UPF3A: variants seen among roughly 807,000 people sequenced by gnomAD.
The protein encoded by UPF3A is UPF3A regulator of nonsense mediated mRNA decay.
In UPF3A, 42 loss-of-function variants were observed where a neutral mutation model predicts 53.5. That is an observed-to-expected ratio of 0.78 (90% CI 0.61 to 1.01). UPF3A has a LOEUF of 1.01. UPF3A is among the 50% of genes least tolerant of loss of function. UPF3A has a pLI of 0.00. For missense variants in UPF3A, 575 were observed against 598.0 expected, an observed-to-expected ratio of 0.96 and a Z score of 0.40; for synonymous variants, 237 against 225.3, an observed-to-expected ratio of 1.05 and a Z score of -0.47.
intron 7 of UPF3A, among the ~76,000 whole-genome samples, chr13:114,295,395 G>A (rs12872680): frequency 0.066 from 6,963 of 105,800 alleles, 225 homozygotes; most frequent in Non-Finnish European, 0.099. Flanking sequence ...CGTCTCCAGC[G>A]GCTCTGGCGT....
At chr13:114,295,404 G>GTCTCCAGCGGCTCTGGCC (rs2085839407) in intron 7 of UPF3A, among the ~76,000 whole-genome samples, 1 of 72,354 alleles carries the variant, frequency 1.4e-5, no homozygotes, top group African/African-American at 4.9e-5. Context: ...CGGCTCTGGC[G>GTCTCCAGCGGCTCTGGCC]TGCTCCCCAG....
At position 114,281,907 on chromosome 13, in the gene UPF3A, G is replaced by GGGGAGGGAGGGA. The variant is rs1375001883; in HGVS notation, c.207+72_207+73insAGGGAGGGAGGG. ...GAGAGGACGGCCCTGAGTGGAGGGA[G>GGGGAGGGAGGGA]GGGAGGGAGGGGAGGGAGGGGCGGG... On this transcript the variant is annotated intron_variant, in intron 1 of 9. Transcript: ENST00000375299. 3.9e-6 allele frequency: 4 copies of GGGGAGGGAGGGA among 1,035,176 alleles called. No individual in the cohort carries two copies. In the African/African-American group the frequency reaches 8.0e-5, roughly 21 times the overall value. The allele number at this position is 1,035,176 out of a possible 1,614,324, so 64.1% of individuals were successfully genotyped here.
At chr13:114,286,131 G>T in intron 3 of UPF3A, 171 bp from the exon 4 acceptor site, 1 of 870,956 alleles carries the variant, frequency 1.1e-6, no homozygotes, top group Non-Finnish European at 1.7e-6. Context: ...TAAAATTGTA[G>T]GTTTTTTAAT....
intron 5 of UPF3A, among the ~76,000 whole-genome samples, chr13:114,288,798 C>T (rs2084988537): frequency 6.6e-6 from 1 of 151,918 alleles, no homozygotes; most frequent in South Asian, 2.1e-4. Context: ...GATTGTGGCA[C>T]CATTATACAC....
intron 7 of UPF3A, among the ~76,000 whole-genome samples, chr13:114,296,642 C>G (rs1365665855): frequency 6.6e-6 from 1 of 152,124 alleles, no homozygotes; most frequent in Non-Finnish European, 1.5e-5. Flanking sequence ...GAATTTATTG[C>G]TGACTGGTCA....
chr13:114,298,069 G>A (rs2086225482), intron 7 of UPF3A, among the ~76,000 whole-genome samples: 1 of 151,688 alleles, frequency 6.6e-6, no homozygotes, highest in Non-Finnish European at 1.5e-5. Flanking sequence ...TGGTGTGTGT[G>A]TGAACATAAA....
At chr13:114,282,554 GC>G (rs1387391030) in intron 2 of UPF3A, 1 of 985,466 alleles carries the variant, frequency 1.0e-6, no homozygotes, top group Non-Finnish European at 1.2e-6. Context: ...GTCTCTCGGC[GC>G]CACGGGTTCC....
In UPF3A at chr13:114,305,037, A is replaced by G. The variant is rs1398915767; in HGVS notation, c.*120A>G. ...TACCAGGAAACTGGAAGCTAAAAAT[A>G]CAGAGGGTGACGTAGAAACACGCAG... On this transcript the variant is annotated 3_prime_UTR_variant, in exon 10 of 10. Transcript: ENST00000375299. 5.2e-6 allele frequency: 7 copies of G among 1,342,130 alleles called. No homozygotes were observed. The highest frequency in any genetic ancestry group is 7.3e-6 in the Non-Finnish European group (7 of 963,646). The allele number at this position is 1,342,130 out of a possible 1,614,324, so 83.1% of individuals were successfully genotyped here.
intron 9 of UPF3A, among the ~76,000 whole-genome samples, chr13:114,303,731 A>G (rs909684330): frequency 1.3e-5 from 2 of 152,154 alleles, no homozygotes; most frequent in African/African-American, 4.8e-5. Context: ...GGTTGCAGCG[A>G]GCCCAGATTG....
At chr13:114,301,709 G>C (rs1290788525) in intron 8 of UPF3A, 22 bp from the exon 9 acceptor site, 1 of 1,595,200 alleles carries the variant, frequency 6.3e-7, no homozygotes, top group South Asian at 1.1e-5. Flanking sequence ...TGCAGTTGCT[G>C]ATCATTTGTG....
At chr13:114,295,832 T>C (rs137981770) in intron 7 of UPF3A, among the ~76,000 whole-genome samples, 46 of 152,320 alleles carry the variant, frequency 3.0e-4, no homozygotes, top group African/African-American at 9.4e-4. Flanking sequence ...CCCTGGTTCC[T>C]GCACACAGCT....
Position 114,286,581 on chromosome 13 carries a change from C to T in UPF3A, c.583C>T (p.Pro195Ser). 6.2e-7 allele frequency: 1 copy of T among 1,613,950 alleles called. No individual in the cohort carries two copies. The highest frequency in any genetic ancestry group is 1.3e-5 in the African/African-American group (1 of 75,028). ...GGAGGAAGAGAAGACCAGTGCCAAC[C>T]CTGAGACTCTGCTGGGGGAGATGGA... ...CVEEEKTSAN[P>S]ETLLGEMEAK... is the part of the protein sequence containing the mutation. Residue 195 changes from proline (P) to serine (S), a missense_variant, in exon 5 of 10, where the codon CCT becomes TCT. Pro to Ser is a moderately conservative substitution (Grantham distance 74). Transcript: ENST00000375299.
chr13:114,283,798 T>A, intron 3 of UPF3A: 1 of 985,674 alleles, frequency 1.0e-6, no homozygotes, highest in Non-Finnish European at 1.2e-6. Flanking sequence ...CTGTCTGCTG[T>A]TGTGTTCCTG....
intron 7 of UPF3A, among the ~76,000 whole-genome samples, chr13:114,293,469 G>A (rs1033761773): frequency 2.6e-5 from 4 of 152,114 alleles, no homozygotes; most frequent in African/African-American, 9.7e-5. Flanking sequence ...ACTCAGAACC[G>A]GGTTTTATCA....
intron 5 of UPF3A, among the ~76,000 whole-genome samples, chr13:114,290,730 T>C (rs1379628432): frequency 1.3e-5 from 2 of 151,560 alleles, no homozygotes; most frequent in African/African-American, 4.8e-5. Flanking sequence ...CTTTTCTTTT[T>C]TTTCTTTTTT....
chr13:114,281,630 A>C lies in UPF3A; in HGVS notation c.-10A>C. 3 of 1,424,822 alleles carry C rather than the reference A, an allele frequency of 2.1e-6. No homozygotes were observed. Among genetic ancestry groups the C allele is most frequent in the Non-Finnish European group, 1.8e-6 (2 of 1,089,152 alleles). 88.3% of individuals were successfully genotyped at this position (1,424,822 alleles called of 1,614,324 possible). A position where few individuals can be genotyped will look rare whatever the true frequency, so the allele number is the denominator to read the frequency against. The stretch of plus-strand genomic sequence containing the variant: ...GGGGCTGGCGGCTGCGGCTCGGCGG[A>C]GAGTGCGGCATGCGCTCGGAAAAGG... On this transcript the variant is annotated 5_prime_UTR_variant, in exon 1 of 10. Coordinates refer to ENST00000375299, the MANE Select transcript of UPF3A (RefSeq NM_023011.4).
In UPF3A at chr13:114,286,732, G is replaced by A; in HGVS notation, c.631+103G>A. On this transcript the variant is annotated intron_variant, in intron 5 of 9. Coordinates refer to ENST00000375299, the MANE Select transcript of UPF3A (RefSeq NM_023011.4). ...TGACTGTGATAACAAGTTGAAACTTGTTACAGGCTTGACAGAAATGTAGAG... is the reference window on the plus strand; with the variant it reads ...TGACTGTGATAACAAGTTGAAACTTATTACAGGCTTGACAGAAATGTAGAG... 3.3e-6 allele frequency: 3 copies of A among 900,584 alleles called. No individual in the cohort carries two copies. The South Asian group carries it at 5.9e-5, about 18-fold the overall frequency. The allele number at this position is 900,584 out of a possible 1,614,324, so 55.8% of individuals were successfully genotyped here.
In UPF3A at chr13:114,304,848, C is replaced by G. The variant is rs377347111; in HGVS notation, c.1362C>G (p.Gly454=). 2 of 1,613,788 alleles carry G rather than the reference C, an allele frequency of 1.2e-6. No homozygotes were observed. Among genetic ancestry groups the G allele is most frequent in the Non-Finnish European group, 1.7e-6 (2 of 1,179,818 alleles). ...PGARFRAREC[G]GNRRICKAEG... is the part of the protein sequence containing the mutation. ...CTCGCTTCCGAGCGCGAGAGTGTGGCGGAAACAGGAGGATCTGCAAGGCAG... is the reference window on the plus strand; with the variant it reads ...CTCGCTTCCGAGCGCGAGAGTGTGGGGGAAACAGGAGGATCTGCAAGGCAG... Residue 454 remains glycine, a synonymous_variant, in exon 10 of 10, where the codon GGC becomes GGG. Coordinates refer to ENST00000375299, the MANE Select transcript of UPF3A (RefSeq NM_023011.4).
At position 114,301,964 on chromosome 13, in the gene UPF3A, TG is replaced by T. The variant is rs1214647929; in HGVS notation, c.1244del (p.Gly415GlufsTer101). ...SGAPGEAMER[L>X]GRAQRCDDSP... ...GCTCCGGGGGAGGCCATGGAGAGACTGGGAAGAGCGCAGAGGTGTGACGACA... is the reference window on the plus strand; with the variant it reads ...GCTCCGGGGGAGGCCATGGAGAGACTGGAAGAGCGCAGAGGTGTGACGACA... On this transcript the variant is annotated frameshift_variant, in exon 9 of 10. Coordinates refer to ENST00000375299, the MANE Select transcript of UPF3A (RefSeq NM_023011.4). LOFTEE classifies it high-confidence loss of function. The T allele has an allele frequency of 1.2e-6, 2 of 1,607,760 alleles. No individual in the cohort carries two copies. Among genetic ancestry groups the T allele is most frequent in the South Asian group, 1.1e-5 (1 of 90,534 alleles).
Sources: allele counts gnomAD v4.1 joint callset (sites outside exome capture counted in the v4.1 genomes callset), GRCh38; gene constraint gnomAD v4.1.1; transcripts MANE v1.5; gene names NCBI Gene and HGNC (gene_info 2026-07-23, HGNC 2026-07-21).